Variants in CYREN observed in about 807,000 individuals in gnomAD.
CYREN encodes the protein cell cycle regulator of NHEJ.
CYREN carries 7 observed loss-of-function variants against 9.7 expected under a neutral mutation model. That is an observed-to-expected ratio of 0.72 (90% CI 0.41 to 1.36). The LOEUF (loss-of-function observed/expected upper bound fraction) is 1.36. Among genes scored for constraint, CYREN ranks in the 40% most tolerant of loss-of-function variants. CYREN has a pLI of 0.01. For synonymous variants in CYREN, 76 were observed against 77.9 expected, an observed-to-expected ratio of 0.98 and a Z score of 0.13; for missense variants, 215 against 198.1, an observed-to-expected ratio of 1.09 and a Z score of -0.51.
At chr7:135,139,343 T>G (rs1829411252) in intron 2 of CYREN, among the ~76,000 whole-genome samples, 2 of 152,116 alleles carry the variant, frequency 1.3e-5, no homozygotes, top group African/African-American at 4.8e-5. Context: ...TTAGTGATGT[T>G]GAGAATTTTT....
chr7:135,135,325 A>T, intron 2 of CYREN: 1 of 1,330,650 alleles, frequency 7.5e-7, no homozygotes, highest in Non-Finnish European at 9.9e-7. Context: ...TAGTAAAAAG[A>T]AAAAAAGGAA....
At chr7:135,108,285 G>C (rs1251701103) in intron 2 of CYREN, among the ~76,000 whole-genome samples, 2 of 152,102 alleles carry the variant, frequency 1.3e-5, no homozygotes, top group Non-Finnish European at 2.9e-5. Context: ...ATGCTGGCTG[G>C]CTTGTGTGAT....
chr7:135,118,944 T>G (rs1416995177), intron 2 of CYREN, among the ~76,000 whole-genome samples: 1 of 151,826 alleles, frequency 6.6e-6, no homozygotes, highest in Non-Finnish European at 1.5e-5. Context: ...TTGAGAGAGA[T>G]AGAAAAATAG....
downstream of CYREN, among the ~76,000 whole-genome samples, chr7:135,162,874 T>C (rs922969975): frequency 1.3e-5 from 2 of 152,086 alleles, no homozygotes; most frequent in Non-Finnish European, 2.9e-5. Context: ...TAAAACGGAG[T>C]GAAAAGAATT....
chr7:135,142,376 A>T (rs548483200), intron 2 of CYREN, among the ~76,000 whole-genome samples: 2 of 152,278 alleles, frequency 1.3e-5, no homozygotes, highest in East Asian at 3.9e-4. Context: ...AGTACGTAAT[A>T]CATATACAAA....
chr7:135,124,039 T>C (rs1461027949), intron 2 of CYREN, among the ~76,000 whole-genome samples: 1 of 152,096 alleles, frequency 6.6e-6, no homozygotes, highest in Non-Finnish European at 1.5e-5. Flanking sequence ...ATTGACACAT[T>C]ACAATACTAA....
intron 2 of CYREN, among the ~76,000 whole-genome samples, chr7:135,152,136 T>C (rs1443722729): frequency 6.6e-6 from 1 of 152,232 alleles, no homozygotes; most frequent in Non-Finnish European, 1.5e-5. Context: ...AAATAAGTTA[T>C]ATAATTAAAG....
intron 2 of CYREN, chr7:135,168,499 T>G (rs1830401204): frequency 8.4e-6 from 4 of 476,446 alleles, no homozygotes; most frequent in Non-Finnish European, 1.5e-5. Context: ...ACTGGCATTC[T>G]GGACAACTGG....
intron 2 of CYREN, among the ~76,000 whole-genome samples, chr7:135,160,654 C>T (rs1161286228): frequency 6.6e-6 from 1 of 151,960 alleles, no homozygotes; most frequent in East Asian, 1.9e-4. Flanking sequence ...CCTCAGGCAG[C>T]TCTGCTGTCC....
chr7:135,115,864 G>T (rs2117188856), intron 2 of CYREN: 1 of 367,888 alleles, frequency 2.7e-6, no homozygotes, highest in Non-Finnish European at 4.9e-6. Flanking sequence ...TAATAAAGTA[G>T]GCATAAATAA....
upstream of CYREN, chr7:135,170,907 G>T (rs1375182127): frequency 6.6e-6 from 1 of 152,224 alleles, no homozygotes; most frequent in Non-Finnish European, 1.5e-5. Context: ...GCATCCGGTT[G>T]GCTGCGCGCT....
intron 2 of CYREN, chr7:135,101,391 G>T: frequency 2.7e-6 from 1 of 365,308 alleles, no homozygotes; most frequent in Non-Finnish European, 5.4e-6. Flanking sequence ...TTTGTAAAAG[G>T]ATGAGATTGA....
Position 135,167,302 on chromosome 7 carries a change from G to A in CYREN, c.213+430C>T, listed in dbSNP as rs1245010419. 5 of 1,069,510 alleles carry A rather than the reference G, an allele frequency of 4.7e-6. No individual in the cohort carries two copies. The African/African-American group carries it at 5.0e-5, about 11-fold the overall frequency. 66.3% of individuals were successfully genotyped at this position (1,069,510 alleles called of 1,614,324 possible). ...GGCACCTGGTAAACTGTAGAATGCT[G>A]TGCAACTCTGAGGCACTGCAATTAT... On this transcript the variant is annotated intron_variant, in intron 3 of 3. Coordinates refer to ENST00000393114, the MANE Select transcript of CYREN (RefSeq NM_024033.4).
At chr7:135,095,851 T>A (rs1241745325) in intron 2 of CYREN, among the ~76,000 whole-genome samples, 1 of 152,046 alleles carries the variant, frequency 6.6e-6, no homozygotes, top group African/African-American at 2.4e-5. Flanking sequence ...CAATCTGGAG[T>A]GCTAACAATT....
downstream of CYREN, chr7:135,164,716 T>C: frequency 1.2e-6 from 2 of 1,614,156 alleles, no homozygotes; most frequent in Non-Finnish European, 1.7e-6. Flanking sequence ...GGGTCCCTGG[T>C]CCTCACCCTC....
chr7:135,100,201 A>C (rs989619562), intron 2 of CYREN: 12 of 152,056 alleles, frequency 7.9e-5, no homozygotes, highest in African/African-American at 2.9e-4. Flanking sequence ...TTTAAAAAAA[A>C]AAAAAACACT....
chr7:135,161,211 T>C (rs1024429333), downstream of CYREN, among the ~76,000 whole-genome samples: 1 of 152,032 alleles, frequency 6.6e-6, no homozygotes, highest in Non-Finnish European at 1.5e-5. This position sits in a 1 kb window ranked among gnomAD's most constrained non-coding sequence, Gnocchi z 4.1. Flanking sequence ...TGAGAGAAAA[T>C]GAGGAAGTCA....
At chr7:135,171,538 G>A (rs965919811), upstream of CYREN, among the ~76,000 whole-genome samples, 86 of 41,734 alleles carry the variant, frequency 2.1e-3, no homozygotes, top group African/African-American at 5.2e-3. Context: ...TGCAGCCCCT[G>A]TCACGTACCC....
At chr7:135,164,822 G>C (rs1830049295), downstream of CYREN, 1 of 1,614,102 alleles carries the variant, frequency 6.2e-7, no homozygotes, top group African/African-American at 1.3e-5. Flanking sequence ...CTGTGCTGCT[G>C]GCAGGCGGCC....
Sources: gnomAD v4.1 joint callset for allele counts (sites outside exome capture counted in the v4.1 genomes callset) on GRCh38, gnomAD v4.1.1 for gene constraint, Gnocchi (gnomAD v3.1) non-coding constraint, MANE v1.5 for transcripts, NCBI Gene and HGNC (gene_info 2026-07-23, HGNC 2026-07-21) for gene names.